The following ME3 variants were observed in gnomAD, a reference collection of about 807,000 sequenced individuals.
ME3 encodes NADP-dependent malic enzyme, mitochondrial.
Under a neutral mutation model 68.9 loss-of-function variants are expected in ME3, and 48 were observed. The ratio of observed to expected loss-of-function variants is 0.70; its 90% confidence interval spans 0.55 to 0.89. ME3 has a LOEUF of 0.89. ME3 is among the 40% of genes least tolerant of loss of function. The pLI, the probability that ME3 is intolerant of heterozygous loss-of-function variation, is 0.00. For synonymous variants in ME3, 320 were observed against 318.8 expected, an observed-to-expected ratio of 1.00 and a Z score of -0.04; for missense variants, 675 against 797.4, an observed-to-expected ratio of 0.85 and a Z score of 1.85.
At chr11:86,652,887 G>T (rs1396475323) in intron 2 of ME3, among the ~76,000 whole-genome samples, 1 of 150,530 alleles carries the variant, frequency 6.6e-6, no homozygotes, top group African/African-American at 2.5e-5. Context: ...TCAAAATAAA[G>T]GGATGAAGGA....
chr11:86,579,491 T>C (rs188809781), intron 2 of ME3, among the ~76,000 whole-genome samples: 12 of 152,240 alleles, frequency 7.9e-5, no homozygotes, highest in African/African-American at 2.2e-4. Context: ...ATAGCCAAGC[T>C]CCCTGAGTGT....
intron 7 of ME3, among the ~76,000 whole-genome samples, chr11:86,485,128 G>T (rs1349467813): frequency 6.6e-6 from 1 of 152,206 alleles, no homozygotes; most frequent in African/African-American, 2.4e-5. Flanking sequence ...GAGCTGAAAA[G>T]TGCTTCCTTT....
At position 86,441,354 on chromosome 11, in the gene ME3, G is replaced by A. The variant is rs780807490; in HGVS notation, c.1740C>T (p.Tyr580=). The change falls in exon 15 of 15, where the codon TAC becomes TAT. Residue 580 remains tyrosine, a synonymous_variant. Transcript: ENST00000543262. ...GTGTAAAGGAGTCATAGTCTGGAGT[G>A]TAGACCAGGGATCTTACAAAAGCCT... 7 of 1,613,470 alleles carry A rather than the reference G, an allele frequency of 4.3e-6. No homozygotes were observed. In the South Asian group the frequency reaches 6.6e-5, roughly 15 times the overall value.
intron 7 of ME3, among the ~76,000 whole-genome samples, chr11:86,469,746 C>T (rs886426411): frequency 6.6e-6 from 1 of 152,174 alleles, no homozygotes; most frequent in Non-Finnish European, 1.5e-5. Flanking sequence ...GACTTCCCAA[C>T]CCTGGGGACT....
chr11:86,586,080 C>T (rs1407262114), intron 2 of ME3, among the ~76,000 whole-genome samples: 1 of 152,158 alleles, frequency 6.6e-6, no homozygotes, highest in African/African-American at 2.4e-5. Flanking sequence ...AAAATGGAAA[C>T]AGCAAATGCA....
At chr11:86,636,552 G>A (rs1429800407) in intron 2 of ME3, among the ~76,000 whole-genome samples, 1 of 152,152 alleles carries the variant, frequency 6.6e-6, no homozygotes, top group Non-Finnish European at 1.5e-5. Flanking sequence ...AGCCTGCAGG[G>A]CATGCATAGC....
chr11:86,459,675 G>A (rs551806526), intron 8 of ME3, among the ~76,000 whole-genome samples: 40 of 152,314 alleles, frequency 2.6e-4, no homozygotes, highest in African/African-American at 8.7e-4. Context: ...AGGAAAGGAA[G>A]GTACCGAGAA....
intron 2 of ME3, among the ~76,000 whole-genome samples, chr11:86,560,704 ATGTG>A (rs71040244): frequency 0.024 from 2,470 of 101,716 alleles, 158 homozygotes; most frequent in African/African-American, 0.089. Context: ...ATATAATGAT[ATGTG>A]TGTGTGTGTG....
chr11:86,466,198 G>A (rs1203761938), intron 7 of ME3, among the ~76,000 whole-genome samples: 2 of 152,210 alleles, frequency 1.3e-5, no homozygotes, highest in African/African-American at 4.8e-5. Context: ...TCTGCACACA[G>A]ATTTCCCCTT....
At chr11:86,545,166 T>C (rs1045447474) in intron 4 of ME3, among the ~76,000 whole-genome samples, 5 of 152,154 alleles carry the variant, frequency 3.3e-5, no homozygotes, top group Non-Finnish European at 7.3e-5. Flanking sequence ...ATGGAAAGTA[T>C]CTCAAAATAA....
chr11:86,662,077 AAGCT>A (rs1387188109), intron 2 of ME3, among the ~76,000 whole-genome samples: 4 of 152,210 alleles, frequency 2.6e-5, no homozygotes, highest in Non-Finnish European at 5.9e-5. Context: ...GAAGTGAAAA[AAGCT>A]AATCAGAAGT....
chr11:86,600,123 G>A lies in ME3; in HGVS notation c.184-40300C>T, dbSNP rs59371509. Among the ~76,000 whole-genome samples, 1,183 of 152,200 alleles carry A rather than the reference G, an allele frequency of 7.8e-3. 16 individuals carry two copies. Among genetic ancestry groups the A allele is most frequent in the African/African-American group, 0.027 (1,138 of 41,522 alleles). ...AACAATATTAGCTTTAAATGTAAATGGACTAAATGCTCCAATTAAAAGACA... is the reference window on the plus strand; with the variant it reads ...AACAATATTAGCTTTAAATGTAAATAGACTAAATGCTCCAATTAAAAGACA... On this transcript the variant is annotated intron_variant, in intron 2 of 14. Transcript: ENST00000543262.
rs186320477 is a variant in ME3, at chr11:86,520,268, C to T, written c.468-11401G>A. ...ATGTGACTCCATCAGTGGGACCTCC[C>T]TGGAATGGATGGGGGTTCCTCAATT... On this transcript the variant is annotated intron_variant, in intron 4 of 14. Transcript: ENST00000543262. Among the ~76,000 whole-genome samples the T allele has an allele frequency of 2.1e-3, 325 of 152,252 alleles. 1 individual carries two copies. Among genetic ancestry groups the T allele is most frequent in the African/African-American group, 7.7e-3 (321 of 41,550 alleles).
intron 4 of ME3, among the ~76,000 whole-genome samples, chr11:86,532,705 A>G (rs1048507083): frequency 2.0e-5 from 3 of 152,216 alleles, no homozygotes; most frequent in African/African-American, 7.2e-5. Context: ...AATGTAACAT[A>G]TGAGATGCAA....
intron 2 of ME3, among the ~76,000 whole-genome samples, chr11:86,630,664 C>G (rs973155194): frequency 4.6e-5 from 7 of 152,214 alleles, no homozygotes; most frequent in Non-Finnish European, 1.0e-4. Flanking sequence ...AGGCCTGTGG[C>G]CTGGAGACAA....
At chr11:86,614,197 G>A (rs1794692858) in intron 2 of ME3, among the ~76,000 whole-genome samples, 1 of 152,162 alleles carries the variant, frequency 6.6e-6, no homozygotes, top group South Asian at 2.1e-4. Context: ...AGAAGACAGA[G>A]CTTAAATGAT....
intron 4 of ME3, among the ~76,000 whole-genome samples, chr11:86,553,020 C>T (rs940483417): frequency 6.6e-6 from 1 of 152,196 alleles, no homozygotes; most frequent in African/African-American, 2.4e-5. Flanking sequence ...CACCCAGCCT[C>T]ACCTCTGGCT....
intron 4 of ME3, among the ~76,000 whole-genome samples, chr11:86,545,147 A>G (rs772546303): frequency 7.2e-5 from 11 of 151,964 alleles, no homozygotes; most frequent in Non-Finnish European, 1.3e-4. Context: ...AACTCTCAAG[A>G]AACTATCAAT....
At chr11:86,514,491 A>T (rs1953752314) in intron 4 of ME3, among the ~76,000 whole-genome samples, 1 of 152,216 alleles carries the variant, frequency 6.6e-6, no homozygotes, top group Admixed American at 6.5e-5. Flanking sequence ...GGGGATTTTC[A>T]AGTGATTTCC....
Sources: gnomAD v4.1 joint callset for allele counts (sites outside exome capture counted in the v4.1 genomes callset) on GRCh38, gnomAD v4.1.1 for gene constraint, MANE v1.5 for transcripts, NCBI Gene and HGNC (gene_info 2026-07-23, HGNC 2026-07-21) for gene names.